PIP4K2A: variants seen among roughly 807,000 people sequenced by gnomAD.
PIP4K2A encodes the protein phosphatidylinositol-5-phosphate 4-kinase type 2 alpha.
PIP4K2A carries 14 observed loss-of-function variants against 42.9 expected under a neutral mutation model. The observed-to-expected ratio is 0.33, with a 90% CI of 0.22 to 0.51. The LOEUF (loss-of-function observed/expected upper bound fraction) is 0.51. Among genes scored for constraint, PIP4K2A ranks in the 20% least tolerant of loss-of-function variants. The probability of loss-of-function intolerance (pLI) is 0.97; values close to 1 mark genes in which losing one functional copy is unlikely to be tolerated. For missense variants in PIP4K2A, 434 were observed against 519.8 expected (o/e 0.83, Z 1.61); for synonymous variants, 192 against 192.2 (o/e 1.00, Z 0.01).
intron 6 of PIP4K2A, among the ~76,000 whole-genome samples, chr10:22,561,554 T>C (rs1393702957): frequency 6.8e-6 from 1 of 147,122 alleles, no homozygotes; most frequent in African/African-American, 2.5e-5. Context: ...TCACCAGAGA[T>C]TCTCTACGCA....
chr10:22,582,467 T>C (rs1038532045), intron 4 of PIP4K2A, among the ~76,000 whole-genome samples: 3 of 152,232 alleles, frequency 2.0e-5, no homozygotes, highest in African/African-American at 4.8e-5. Context: ...CTCCGCACGA[T>C]AGTGTGAACC....
chr10:22,605,747 G>A (rs1286862056), intron 3 of PIP4K2A, among the ~76,000 whole-genome samples: 2 of 151,812 alleles, frequency 1.3e-5, no homozygotes, highest in Non-Finnish European at 2.9e-5. Flanking sequence ...AACAAAAAAA[G>A]GACGTGGAGA....
chr10:22,575,542 A>G (rs1172360166), intron 4 of PIP4K2A, among the ~76,000 whole-genome samples: 1 of 152,246 alleles, frequency 6.6e-6, no homozygotes, highest in African/African-American at 2.4e-5. Context: ...CAAATCATTG[A>G]CTAGTTGTCC....
At chr10:22,646,270 T>C (rs562592226) in intron 1 of PIP4K2A, 1 of 152,302 alleles carries the variant, frequency 6.6e-6, no homozygotes, top group South Asian at 2.1e-4. Context: ...TCCCTAAAGT[T>C]GGCTGGAGAA....
At chr10:22,679,251 A>C (rs942487160) in intron 1 of PIP4K2A, among the ~76,000 whole-genome samples, 1 of 152,252 alleles carries the variant, frequency 6.6e-6, no homozygotes, top group Non-Finnish European at 1.5e-5. Flanking sequence ...AAAAATGGGC[A>C]AAATATCTGA....
intron 7 of PIP4K2A, among the ~76,000 whole-genome samples, chr10:22,546,444 C>T (rs1402877005): frequency 6.6e-6 from 1 of 152,122 alleles, no homozygotes; most frequent in Non-Finnish European, 1.5e-5. Context: ...CAGGGTCTGG[C>T]TCTGTCACCC....
At chr10:22,713,081 G>T (rs1301096366) in intron 1 of PIP4K2A, among the ~76,000 whole-genome samples, 1 of 152,110 alleles carries the variant, frequency 6.6e-6, no homozygotes. Flanking sequence ...GACTGCAGTG[G>T]CTAAGGTCAT....
At chr10:22,560,667 G>GT (rs1451362120) in intron 6 of PIP4K2A, among the ~76,000 whole-genome samples, 2 of 152,188 alleles carry the variant, frequency 1.3e-5, no homozygotes, top group Non-Finnish European at 2.9e-5. Context: ...CAGGGCAGCT[G>GT]TTTTCTTTCA....
intron 1 of PIP4K2A, among the ~76,000 whole-genome samples, chr10:22,654,413 C>T (rs1839054761): frequency 6.6e-6 from 1 of 152,052 alleles, no homozygotes; most frequent in Admixed American, 6.6e-5. Flanking sequence ...TCAGAGTGGG[C>T]AAATGATCCA....
chr10:22,578,768 T>C (rs1837184127), intron 4 of PIP4K2A, among the ~76,000 whole-genome samples: 1 of 152,204 alleles, frequency 6.6e-6, no homozygotes, highest in Non-Finnish European at 1.5e-5. Context: ...TCCTGCCAAA[T>C]GTAAGCTCCA....
chr10:22,594,165 G>A (rs1004469207), intron 3 of PIP4K2A, among the ~76,000 whole-genome samples: 12 of 152,054 alleles, frequency 7.9e-5, no homozygotes, highest in African/African-American at 2.9e-4. Flanking sequence ...TCTACAGAAT[G>A]GTGTTTACCC....
At chr10:22,692,942 A>G (rs1354172206) in intron 1 of PIP4K2A, among the ~76,000 whole-genome samples, 1 of 152,232 alleles carries the variant, frequency 6.6e-6, no homozygotes, top group Non-Finnish European at 1.5e-5. Flanking sequence ...GTTTACAGCC[A>G]GGCTGGGAGA....
At chr10:22,600,254 GAA>G (rs1480613008) in intron 3 of PIP4K2A, among the ~76,000 whole-genome samples, 1 of 151,458 alleles carries the variant, frequency 6.6e-6, no homozygotes, top group East Asian at 1.9e-4. Context: ...AATCATGTAT[GAA>G]AAGTTTTCAT....
At position 22,591,676 on chromosome 10, in the gene PIP4K2A, T is replaced by G; in HGVS notation, c.445A>C (p.Ser149Arg). Residue 149 changes from serine (S) to arginine (R), a missense_variant, in exon 4 of 10, where the codon AGT (serine) becomes CGT (arginine). Physicochemically the swap from Ser to Arg is moderately radical, Grantham distance 110. Coordinates refer to ENST00000376573, the MANE Select transcript of PIP4K2A (RefSeq NM_005028.5). ...TTGTGCATTTCGGCCACGTCTTCAC[T>G]GGTAATAGTCTTGATGATGTATCTT... ...DKRYIIKTIT[S>R]EDVAEMHNIL... is the part of the protein sequence containing the mutation. 6.2e-7 allele frequency: 1 copy of G among 1,612,644 alleles called. No homozygotes were observed.
chr10:22,609,414 C>T (rs1837982143), intron 2 of PIP4K2A, among the ~76,000 whole-genome samples: 1 of 152,180 alleles, frequency 6.6e-6, no homozygotes, highest in Non-Finnish European at 1.5e-5. Flanking sequence ...TCATAGAGAA[C>T]AATATGCCAT....
intron 4 of PIP4K2A, among the ~76,000 whole-genome samples, chr10:22,588,697 A>G (rs1426181065): frequency 1.3e-5 from 2 of 152,250 alleles, no homozygotes; most frequent in Non-Finnish European, 2.9e-5. Flanking sequence ...TCCAAGAGGC[A>G]GTTCCTAACA....
chr10:22,680,258 G>T (rs1487036551), intron 1 of PIP4K2A, among the ~76,000 whole-genome samples: 1 of 152,038 alleles, frequency 6.6e-6, no homozygotes, highest in East Asian at 1.9e-4. Context: ...GAATAAAGCA[G>T]AGTACAAAAC....
chr10:22,552,622 C>A (rs1254283701), intron 6 of PIP4K2A, among the ~76,000 whole-genome samples: 1 of 151,872 alleles, frequency 6.6e-6, no homozygotes, highest in Non-Finnish European at 1.5e-5. Flanking sequence ...TGAAGTTTAA[C>A]AAAACTCAGA....
At chr10:22,593,952 T>G (rs974517545) in intron 3 of PIP4K2A, among the ~76,000 whole-genome samples, 1 of 152,234 alleles carries the variant, frequency 6.6e-6, no homozygotes, top group African/African-American at 2.4e-5. Context: ...GCACATTAGA[T>G]AGGACAGTAT....
Sources: gnomAD v4.1 joint callset for allele counts (sites outside exome capture counted in the v4.1 genomes callset) on GRCh38, gnomAD v4.1.1 for gene constraint, MANE v1.5 for transcripts, NCBI Gene and HGNC (gene_info 2026-07-23, HGNC 2026-07-21) for gene names.